The following GCNT2 variants were observed in gnomAD, a reference collection of about 807,000 sequenced individuals.
GCNT2 encodes the protein N-acetyllactosaminide beta-1,6-N-acetylglucosaminyl-transferase.
In GCNT2, 34 loss-of-function variants were observed where a neutral mutation model predicts 34.2. The observed-to-expected ratio is 1.00, with a 90% CI of 0.76 to 1.32. GCNT2 has a LOEUF of 1.32. GCNT2 is among the 40% of genes most tolerant of loss of function. The probability of loss-of-function intolerance (pLI) is 0.00; values close to 1 mark genes in which losing one functional copy is unlikely to be tolerated. For missense variants in GCNT2, 584 were observed against 489.4 expected (o/e 1.19, Z -1.82); for synonymous variants, 212 against 188.0 (o/e 1.13, Z -1.04).
chr6:10,578,216 C>T (rs563793014), intron 3 of GCNT2, among the ~76,000 whole-genome samples: 1 of 151,628 alleles, frequency 6.6e-6, no homozygotes, highest in Non-Finnish European at 1.5e-5. Context: ...CGTAGTGAAA[C>T]CCCGTGTCTA....
At chr6:10,591,607 A>G (rs1764646177) in intron 3 of GCNT2, among the ~76,000 whole-genome samples, 1 of 152,166 alleles carries the variant, frequency 6.6e-6, no homozygotes, top group South Asian at 2.1e-4. Flanking sequence ...AGACGCCTCC[A>G]CTTAGTTTCT....
chr6:10,616,664 A>T (rs1280761642), intron 3 of GCNT2, among the ~76,000 whole-genome samples: 1 of 152,238 alleles, frequency 6.6e-6, no homozygotes. Flanking sequence ...GTAACTAGAT[A>T]CAGAGTGCCG....
At chr6:10,555,197 G>T (rs1762640966) in intron 3 of GCNT2, among the ~76,000 whole-genome samples, 1 of 152,158 alleles carries the variant, frequency 6.6e-6, no homozygotes, top group Non-Finnish European at 1.5e-5. Flanking sequence ...TGGGCAGGCA[G>T]TCAATGGTTA....
At chr6:10,523,748 G>A (rs926758995) in intron 1 of GCNT2, among the ~76,000 whole-genome samples, 1 of 152,050 alleles carries the variant, frequency 6.6e-6, no homozygotes, top group Non-Finnish European at 1.5e-5. Context: ...CGGGGTGGGC[G>A]GATCACGAGG....
At chr6:10,535,401 TC>T (rs1315831684) in intron 3 of GCNT2, among the ~76,000 whole-genome samples, 1 of 152,176 alleles carries the variant, frequency 6.6e-6, no homozygotes, top group Non-Finnish European at 1.5e-5. Flanking sequence ...TCTCCCCACT[TC>T]CGTCTTTTAC....
chr6:10,540,357 A>G (rs751656733), intron 3 of GCNT2, among the ~76,000 whole-genome samples: 2 of 147,890 alleles, frequency 1.4e-5, no homozygotes, highest in East Asian at 2.0e-4. Context: ...TTGTTCTGGA[A>G]TACTCTTTAT....
chr6:10,537,710 A>C lies in GCNT2; in HGVS notation c.925+7874A>C, dbSNP rs1310474949. 4.0e-3 allele frequency among the ~76,000 whole-genome samples: 228 copies of C among 56,926 alleles called. 10 individuals carry two copies. The highest frequency in any genetic ancestry group is 9.3e-3 in the African/African-American group (215 of 23,234). 37.3% of individuals were successfully genotyped at this position (56,926 alleles called of 152,430 possible). A position where few individuals can be genotyped will look rare whatever the true frequency, so the allele number is the denominator to read the frequency against. ...GGAGATTCTGCCGCAAAAAAAAAAAAAAAAAAAAAAAAAAAACAAAACAAA... is the reference window on the plus strand; with the variant it reads ...GGAGATTCTGCCGCAAAAAAAAAAACAAAAAAAAAAAAAAAACAAAACAAA... On this transcript the variant is annotated intron_variant, in intron 3 of 4. Transcript: ENST00000495262.
intron 3 of GCNT2, among the ~76,000 whole-genome samples, chr6:10,532,506 G>A (rs376195551): frequency 6.6e-5 from 10 of 151,968 alleles, no homozygotes; most frequent in Admixed American, 3.9e-4. Context: ...CACGGCTCAC[G>A]GCCTCAACCT....
At chr6:10,607,186 G>A (rs1240273461) in intron 3 of GCNT2, among the ~76,000 whole-genome samples, 2 of 152,060 alleles carry the variant, frequency 1.3e-5, no homozygotes, top group Non-Finnish European at 2.9e-5. Context: ...GACCTCAGGT[G>A]ATCTGCCGAG....
chr6:10,522,473 G>C (rs1228369604), intron 1 of GCNT2, among the ~76,000 whole-genome samples: 4 of 152,150 alleles, frequency 2.6e-5, no homozygotes, highest in Admixed American at 1.3e-4. Context: ...CCTGGTAGTA[G>C]ATTGGCCAAA....
intron 3 of GCNT2, among the ~76,000 whole-genome samples, chr6:10,610,318 G>T (rs1388830012): frequency 6.6e-6 from 1 of 152,198 alleles, no homozygotes; most frequent in Non-Finnish European, 1.5e-5. Flanking sequence ...GTTTAGTGGA[G>T]CAAAGAAGGG....
At chr6:10,556,778 C>T (rs1762728767) in intron 3 of GCNT2, 3 of 1,614,064 alleles carry the variant, frequency 1.9e-6, no homozygotes, top group Non-Finnish European at 2.5e-6. Context: ...TTACATGCCC[C>T]AAAATATCTA....
intron 3 of GCNT2, among the ~76,000 whole-genome samples, chr6:10,587,643 GT>G (rs1764417168): frequency 6.6e-6 from 1 of 152,280 alleles, no homozygotes; most frequent in South Asian, 2.1e-4. Context: ...GCAGTCTTTG[GT>G]TGTTTATGAT....
intron 3 of GCNT2, among the ~76,000 whole-genome samples, chr6:10,611,334 C>CT (rs200808872): frequency 0.44 from 60,520 of 136,318 alleles, 15,074 homozygotes; most frequent in East Asian, 0.64. Context: ...TTCTTTCTTT[C>CT]TTTTTTTTTT....
At chr6:10,601,680 G>A (rs113465746) in intron 3 of GCNT2, among the ~76,000 whole-genome samples, 5,592 of 152,178 alleles carry the variant, frequency 0.037, 330 homozygotes, top group African/African-American at 0.13. Context: ...AGTGGCTCAC[G>A]CCTGTAATCT....
At chr6:10,522,942 G>A (rs1397568572) in intron 1 of GCNT2, among the ~76,000 whole-genome samples, 2 of 152,184 alleles carry the variant, frequency 1.3e-5, no homozygotes, top group Non-Finnish European at 2.9e-5. Flanking sequence ...AAACGAATGA[G>A]GTTCTCCAGC....
At chr6:10,599,241 C>A (rs76219906) in intron 3 of GCNT2, among the ~76,000 whole-genome samples, 1 of 152,276 alleles carries the variant, frequency 6.6e-6, no homozygotes, top group South Asian at 2.1e-4. Flanking sequence ...GTACCAGGTG[C>A]GCTGTTCACA....
At chr6:10,582,384 TTTA>T (rs1292178470) in intron 3 of GCNT2, among the ~76,000 whole-genome samples, 3 of 121,538 alleles carry the variant, frequency 2.5e-5, no homozygotes, top group Non-Finnish European at 3.2e-5. Context: ...TAATTTAATA[TTTA>T]TTATATACTA....
intron 3 of GCNT2, among the ~76,000 whole-genome samples, chr6:10,588,938 GGT>G (rs1163793785): frequency 7.6e-5 from 11 of 144,542 alleles, no homozygotes; most frequent in South Asian, 6.8e-4. Context: ...TTTGTAGTGC[GGT>G]GTGTGTGTTT....
Sources: gnomAD v4.1 joint callset for allele counts (sites outside exome capture counted in the v4.1 genomes callset) on GRCh38, gnomAD v4.1.1 for gene constraint, MANE v1.5 for transcripts, NCBI Gene and HGNC (gene_info 2026-07-23, HGNC 2026-07-21) for gene names.